RAD18: variants seen among roughly 807,000 people sequenced by gnomAD.
The protein encoded by RAD18 is E3 ubiquitin-protein ligase RAD18.
Under a neutral mutation model 60.4 loss-of-function variants are expected in RAD18, and 47 were observed. The observed-to-expected ratio is 0.78, with a 90% CI of 0.62 to 0.99. The LOEUF is 0.99. RAD18 is among the 50% of genes least tolerant of loss of function. The probability of loss-of-function intolerance (pLI) is 0.00; values close to 1 mark genes in which losing one functional copy is unlikely to be tolerated. For missense variants in RAD18, 640 were observed against 593.3 expected (o/e 1.08, Z -0.82); for synonymous variants, 225 against 195.5 (o/e 1.15, Z -1.26).
chr3:8,900,001 C>T (rs1206683309), intron 10 of RAD18, among the ~76,000 whole-genome samples: 1 of 152,118 alleles, frequency 6.6e-6, no homozygotes, highest in Non-Finnish European at 1.5e-5. Flanking sequence ...TTTGATTATA[C>T]AGAGAGAATT....
chr3:8,953,118 A>G (rs1208228407), intron 2 of RAD18, among the ~76,000 whole-genome samples: 1 of 151,348 alleles, frequency 6.6e-6, no homozygotes, highest in African/African-American at 2.4e-5. Context: ...ACATTTGTTT[A>G]TAATAAATAT....
At chr3:8,948,712 C>T in intron 2 of RAD18, 142 bp from the exon 3 acceptor site, 2 of 627,654 alleles carry the variant, frequency 3.2e-6, no homozygotes, top group Non-Finnish European at 5.6e-6. Flanking sequence ...AGTACCTCTA[C>T]TCTATGCACA....
At chr3:8,902,278 A>T in intron 10 of RAD18, 102 bp downstream of exon 10, 2 of 1,097,622 alleles carry the variant, frequency 1.8e-6, no homozygotes, top group Non-Finnish European at 2.4e-6. Flanking sequence ...CTCATTTCAA[A>T]GAACTAAGAA....
intron 10 of RAD18, among the ~76,000 whole-genome samples, chr3:8,901,306 A>G (rs1275975616): frequency 1.3e-5 from 2 of 152,186 alleles, no homozygotes; most frequent in Non-Finnish European, 2.9e-5. Context: ...CAGCATATGA[A>G]TCAGAAATCG....
chr3:8,957,529 A>G (rs1208960101), intron 2 of RAD18, among the ~76,000 whole-genome samples: 1 of 152,204 alleles, frequency 6.6e-6, no homozygotes, highest in African/African-American at 2.4e-5. Context: ...ATTTACTGCA[A>G]TAGGGGTTAT....
intron 11 of RAD18, among the ~76,000 whole-genome samples, chr3:8,897,760 C>T (rs909383459): frequency 5.3e-5 from 8 of 152,224 alleles, no homozygotes; most frequent in South Asian, 2.1e-4. Flanking sequence ...GCAATGCCTA[C>T]ATATCAGAAT....
intron 7 of RAD18, among the ~76,000 whole-genome samples, chr3:8,920,741 C>CACACAACA (rs1164091623): frequency 6.6e-6 from 1 of 152,182 alleles, no homozygotes; most frequent in Non-Finnish European, 1.5e-5. Context: ...AAAACACACA[C>CACACAACA]ACACAACAAA....
Position 8,935,855 on chromosome 3 carries a change from T to G in RAD18, c.889+16A>C. The stretch of plus-strand genomic sequence containing the variant: ...TATCCAGAAAGTAAGCATAACTCAC[T>G]GTTTTATTACTTTACCTGATTTAGG... On this transcript the variant is annotated intron_variant, in intron 7 of 12. Coordinates refer to ENST00000264926, the MANE Select transcript of RAD18 (RefSeq NM_020165.4). The G allele has an allele frequency of 6.5e-7, 1 of 1,530,084 alleles. No homozygotes were observed. Among genetic ancestry groups the G allele is most frequent in the Non-Finnish European group, 8.8e-7 (1 of 1,137,034 alleles). 94.8% of individuals were successfully genotyped at this position (1,530,084 alleles called of 1,614,324 possible). A position where few individuals can be genotyped will look rare whatever the true frequency, so the allele number is the denominator to read the frequency against.
chr3:8,956,113 G>A (rs1258200777), intron 2 of RAD18, among the ~76,000 whole-genome samples: 1 of 152,220 alleles, frequency 6.6e-6, no homozygotes, highest in Non-Finnish European at 1.5e-5. Flanking sequence ...AGATGGTACT[G>A]TAGATCTTAG....
chr3:8,918,839 C>G (rs887672102), intron 7 of RAD18, among the ~76,000 whole-genome samples: 1 of 152,176 alleles, frequency 6.6e-6, no homozygotes, highest in South Asian at 2.1e-4. Flanking sequence ...TACCCATCAA[C>G]CAGAGGTGGA....
intron 10 of RAD18, among the ~76,000 whole-genome samples, chr3:8,900,052 C>T (rs1939875281): frequency 1.3e-5 from 2 of 152,104 alleles, no homozygotes. Context: ...AAAACCTTGC[C>T]AAGTTCATAC....
chr3:8,920,195 C>T (rs1313559515), intron 7 of RAD18, among the ~76,000 whole-genome samples: 4 of 145,984 alleles, frequency 2.7e-5, no homozygotes, highest in South Asian at 2.2e-4. Flanking sequence ...AGGAGAATGG[C>T]GTGAACCTGG....
At chr3:8,892,160 G>A (rs1939701613) in intron 11 of RAD18, among the ~76,000 whole-genome samples, 1 of 152,118 alleles carries the variant, frequency 6.6e-6, no homozygotes, top group Non-Finnish European at 1.5e-5. Flanking sequence ...TATTTCTGGG[G>A]TCAGAGCATA....
chr3:8,935,446 T>C (rs1430866788), intron 7 of RAD18, among the ~76,000 whole-genome samples: 1 of 152,238 alleles, frequency 6.6e-6, no homozygotes, highest in Non-Finnish European at 1.5e-5. Context: ...ATGCCTTTTA[T>C]CATTTATTTC....
At chr3:8,947,364 T>C (rs1940855108) in intron 3 of RAD18, 74 bp from the exon 4 acceptor site, 3 of 1,256,030 alleles carry the variant, frequency 2.4e-6, no homozygotes, top group Non-Finnish European at 2.3e-6. Context: ...TTTTTGAAAA[T>C]GTCTGACCCA....
At chr3:8,918,069 G>A (rs996114000) in intron 7 of RAD18, among the ~76,000 whole-genome samples, 1 of 152,154 alleles carries the variant, frequency 6.6e-6, no homozygotes, top group Non-Finnish European at 1.5e-5. Context: ...TGTAATCCCA[G>A]CACTTTGGGA....
chr3:8,881,717 T>C (rs1939466307), intron 12 of RAD18, among the ~76,000 whole-genome samples: 1 of 152,198 alleles, frequency 6.6e-6, no homozygotes, highest in East Asian at 1.9e-4. Context: ...CTGTTTAGCA[T>C]GTAGAGGGCT....
intron 4 of RAD18, among the ~76,000 whole-genome samples, chr3:8,946,307 C>T (rs1041396037): frequency 6.6e-6 from 1 of 152,192 alleles, no homozygotes; most frequent in African/African-American, 2.4e-5. Flanking sequence ...GCAATAGGCC[C>T]TGCCATATAG....
At chr3:8,941,039 G>A (rs370838372) in intron 5 of RAD18, among the ~76,000 whole-genome samples, 2 of 152,356 alleles carry the variant, frequency 1.3e-5, no homozygotes, top group African/African-American at 4.8e-5. Context: ...CTGAGACAGA[G>A]AGGTGAGCAA....
Sources: allele counts gnomAD v4.1 joint callset (sites outside exome capture counted in the v4.1 genomes callset), GRCh38; gene constraint gnomAD v4.1.1; transcripts MANE v1.5; gene names NCBI Gene and HGNC (gene_info 2026-07-23, HGNC 2026-07-21).